Variants in RFTN2 observed in about 807,000 individuals in gnomAD.
RFTN2 encodes raftlin family member 2.
A neutral mutation model predicts 52.7 loss-of-function variants in RFTN2; 34 were observed. The observed-to-expected ratio is 0.64, with a 90% CI of 0.49 to 0.86. RFTN2 has a LOEUF of 0.86. Ranked by LOEUF, RFTN2 falls within the 40% of genes least tolerant of loss-of-function variation. The probability of loss-of-function intolerance (pLI) is 0.00; values close to 1 mark genes in which losing one functional copy is unlikely to be tolerated. For synonymous variants in RFTN2, 203 were observed against 217.7 expected (o/e 0.93, Z 0.59); for missense variants, 536 against 600.1 (o/e 0.89, Z 1.12).
At chr2:197,671,005 C>G (rs1251674521) in intron 1 of RFTN2, among the ~76,000 whole-genome samples, 1 of 152,208 alleles carries the variant, frequency 6.6e-6, no homozygotes, top group African/African-American at 2.4e-5. Flanking sequence ...TACTGCCCTT[C>G]ACCCACAGGT....
intron 1 of RFTN2, 123 bp from the exon 2 acceptor site, chr2:197,646,789 C>T (rs866500448): frequency 6.1e-6 from 4 of 657,728 alleles, no homozygotes; most frequent in Non-Finnish European, 9.6e-6. Context: ...ATGGCACATG[C>T]GTGTAATCCC....
intron 7 of RFTN2, among the ~76,000 whole-genome samples, chr2:197,604,391 GAATA>G (rs2087926464): frequency 6.6e-6 from 1 of 152,162 alleles, no homozygotes; most frequent in African/African-American, 2.4e-5. Flanking sequence ...ATAGTAGAAT[GAATA>G]AATAAACTGC....
At chr2:197,594,015 CTTTT>C (rs11352058) in intron 8 of RFTN2, among the ~76,000 whole-genome samples, 5 of 95,980 alleles carry the variant, frequency 5.2e-5, no homozygotes, top group Admixed American at 1.1e-4. Context: ...CAGAATATTT[CTTTT>C]TTTTTTTTTT....
intron 5 of RFTN2, among the ~76,000 whole-genome samples, chr2:197,626,238 A>C (rs1458535169): frequency 6.6e-6 from 1 of 152,038 alleles, no homozygotes; most frequent in African/African-American, 2.4e-5. Flanking sequence ...CCTTATGTAA[A>C]ATCTCTGTGC....
chr2:197,592,008 G>A (rs1376497015), intron 8 of RFTN2, among the ~76,000 whole-genome samples: 1 of 152,164 alleles, frequency 6.6e-6, no homozygotes, highest in East Asian at 1.9e-4. Flanking sequence ...GGCTCCCATG[G>A]TGCAGCGGCG....
At chr2:197,662,207 G>A (rs2088986334) in intron 1 of RFTN2, among the ~76,000 whole-genome samples, 1 of 151,814 alleles carries the variant, frequency 6.6e-6, no homozygotes, top group African/African-American at 2.4e-5. Flanking sequence ...TCTTTCCTAG[G>A]CCAATGTCCT....
chr2:197,670,955 G>A (rs75415672), intron 1 of RFTN2, among the ~76,000 whole-genome samples: 28,591 of 151,882 alleles, frequency 0.19, 2,797 homozygotes, highest in Middle Eastern at 0.28. Context: ...TTCCTCCTTT[G>A]TAACATCTGT....
chr2:197,590,349 G>A (rs1188738972), intron 8 of RFTN2, among the ~76,000 whole-genome samples: 1 of 152,122 alleles, frequency 6.6e-6, no homozygotes, highest in Non-Finnish European at 1.5e-5. Context: ...ATTTTGAAAT[G>A]ACATTTTTCA....
chr2:197,674,221 T>C (rs901802847), intron 1 of RFTN2, among the ~76,000 whole-genome samples: 4 of 151,294 alleles, frequency 2.6e-5, no homozygotes, highest in Admixed American at 1.3e-4. Flanking sequence ...AAAGTCTATG[T>C]ACAGATTTTG....
At chr2:197,580,260 G>A (rs1382997433) in intron 8 of RFTN2, among the ~76,000 whole-genome samples, 1 of 152,074 alleles carries the variant, frequency 6.6e-6, no homozygotes, top group Non-Finnish European at 1.5e-5. Flanking sequence ...TAACAGAGAA[G>A]AGTTGCAATT....
At chr2:197,639,982 T>A (rs2088634438) in intron 3 of RFTN2, among the ~76,000 whole-genome samples, 1 of 152,124 alleles carries the variant, frequency 6.6e-6, no homozygotes, top group African/African-American at 2.4e-5. Context: ...GATGCAGGTC[T>A]GTTGGAATAC....
intron 7 of RFTN2, among the ~76,000 whole-genome samples, chr2:197,606,024 C>T (rs988412826): frequency 1.3e-5 from 2 of 152,092 alleles, no homozygotes; most frequent in Non-Finnish European, 2.9e-5. Flanking sequence ...ATATTTTCCC[C>T]CTAATATCTC....
intron 8 of RFTN2, among the ~76,000 whole-genome samples, chr2:197,594,755 C>T (rs1329378133): frequency 1.3e-5 from 2 of 152,178 alleles, no homozygotes; most frequent in African/African-American, 4.8e-5. Context: ...ATTCTATTCT[C>T]CTGCCTCTCC....
intron 8 of RFTN2, among the ~76,000 whole-genome samples, chr2:197,590,442 T>C (rs1329950819): frequency 1.3e-5 from 2 of 152,242 alleles, no homozygotes; most frequent in Non-Finnish European, 2.9e-5. Context: ...AAGGTCTCCA[T>C]AACTTCCGAA....
chr2:197,674,127 A>G (rs1410153415), intron 1 of RFTN2, among the ~76,000 whole-genome samples: 2 of 152,152 alleles, frequency 1.3e-5, no homozygotes, highest in Non-Finnish European at 2.9e-5. Context: ...TTCATAATTT[A>G]AAAGAAAATT....
intron 3 of RFTN2, among the ~76,000 whole-genome samples, chr2:197,636,678 T>A (rs1230613956): frequency 0.023 from 2,156 of 95,422 alleles, no homozygotes; most frequent in South Asian, 0.037. Context: ...AATCATGTCG[T>A]CTGCAAACAG....
At position 197,610,293 on chromosome 2, in the gene RFTN2, G is replaced by C. The variant is rs571139740; in HGVS notation, c.1154+5583C>G. 2.0e-5 allele frequency among the ~76,000 whole-genome samples: 3 copies of C among 152,210 alleles called. No homozygotes were observed. The South Asian group carries it at 6.2e-4, about 32-fold the overall frequency. On this transcript the variant is annotated intron_variant, in intron 7 of 8. Coordinates refer to ENST00000295049, the MANE Select transcript of RFTN2 (RefSeq NM_144629.3). Reference sequence around the variant, plus strand: ...TGTTTGTGTCCTCTTTTATTTCCTTGAGCAGTGATTTGTAGATCTCCTTGA... The same window carrying C: ...TGTTTGTGTCCTCTTTTATTTCCTTCAGCAGTGATTTGTAGATCTCCTTGA...
rs558425984 is a variant in RFTN2, at chr2:197,584,989, A to G, written c.1233+11002T>C. On this transcript the variant is annotated intron_variant, in intron 8 of 8. Coordinates refer to ENST00000295049, the MANE Select transcript of RFTN2 (RefSeq NM_144629.3). ...AACCTTGATGGACTGGACCCTACTT[A>G]GTCATCTATAGTACCCCAACTGCCG... 2.0e-4 allele frequency among the ~76,000 whole-genome samples: 31 copies of G among 152,208 alleles called. No individual in the cohort carries two copies. The East Asian group carries it at 6.0e-3, about 29-fold the overall frequency.
chr2:197,644,781 T>C (rs765157569), intron 2 of RFTN2, among the ~76,000 whole-genome samples: 1 of 152,192 alleles, frequency 6.6e-6, no homozygotes, highest in Non-Finnish European at 1.5e-5. Context: ...AATCCTACTA[T>C]GCAAAAATGT....
Sources: gnomAD v4.1 joint callset for allele counts (sites outside exome capture counted in the v4.1 genomes callset) on GRCh38, gnomAD v4.1.1 for gene constraint, MANE v1.5 for transcripts, NCBI Gene and HGNC (gene_info 2026-07-23, HGNC 2026-07-21) for gene names.